Variants in NIBAN2 observed in about 807,000 individuals in gnomAD.
NIBAN2 encodes the protein niban apoptosis regulator 2, also known as protein Niban 2.
A neutral mutation model predicts 81.8 loss-of-function variants in NIBAN2; 36 were observed. The observed-to-expected ratio is 0.44, with a 90% CI of 0.34 to 0.58. The LOEUF (loss-of-function observed/expected upper bound fraction) is 0.58, where lower values mean the gene tolerates loss of function less well. Ranked by LOEUF, NIBAN2 falls within the 20% of genes least tolerant of loss-of-function variation. NIBAN2 has a pLI of 0.02. For missense variants in NIBAN2, 897 were observed against 1,014.1 expected (o/e 0.88, Z 1.57); for synonymous variants, 445 against 441.6 (o/e 1.01, Z -0.10).
Position 127,527,309 on chromosome 9 carries a change from T to G in NIBAN2, c.200A>C (p.Glu67Ala), listed in dbSNP as rs182478049. Residue 67 changes from glutamate (E) to alanine (A), a missense_variant, in exon 3 of 14, where the codon GAG becomes GCG. Around this residue, in one of 3 missense-constraint regions of NIBAN2, gnomAD observed 209 missense variants for 208.4 expected, o/e 1.00. Coordinates refer to ENST00000373312, the MANE Select transcript of NIBAN2 (RefSeq NM_022833.4). Reference protein sequence around the residue: ...QLLWRKVPLDERIVFSGNLFQ... With the variant: ...QLLWRKVPLDARIVFSGNLFQ... ...GAGGTTCCCCGAGAAGACGATGCGC[T>G]CGTCCAGTGGCACCTGTGGGCAGGA... The G allele has an allele frequency of 1.6e-5, 26 of 1,612,490 alleles. No individual in the cohort carries two copies. In the East Asian group the frequency reaches 5.8e-4, roughly 36 times the overall value.
At chr9:127,573,682 C>A (rs529838908), upstream of NIBAN2, among the ~76,000 whole-genome samples, 4 of 152,198 alleles carry the variant, frequency 2.6e-5, no homozygotes, top group Non-Finnish European at 5.9e-5. Flanking sequence ...GAGACAGGGT[C>A]TCGTTCTGTT....
chr9:127,516,282 C>T (rs1047668653), intron 8 of NIBAN2, among the ~76,000 whole-genome samples: 12 of 152,240 alleles, frequency 7.9e-5, no homozygotes, highest in Admixed American at 6.5e-4. Flanking sequence ...CACAGTGGCT[C>T]ATGCCTGTAA....
At chr9:127,554,561 T>C (rs1837633655) in intron 1 of NIBAN2, among the ~76,000 whole-genome samples, 1 of 145,010 alleles carries the variant, frequency 6.9e-6, no homozygotes, top group Non-Finnish European at 1.5e-5. Context: ...TTTTTTTTTT[T>C]TTTTTTTTTT....
intron 5 of NIBAN2, among the ~76,000 whole-genome samples, chr9:127,520,439 T>G (rs1197904821): frequency 6.6e-6 from 1 of 151,968 alleles, no homozygotes. Context: ...GTTTTCACCA[T>G]GTTGGCCAGG....
rs199532440 is a variant in NIBAN2 at position 127,507,852 on chromosome 9, C to A, written c.1654+15G>T. The A allele has an allele frequency of 6.2e-7, 1 of 1,612,124 alleles. No individual in the cohort carries two copies. The highest frequency in any genetic ancestry group is 8.5e-7 in the Non-Finnish European group (1 of 1,178,310). ...ATCCTCCTGGCAACAGTCCCCACCCCGGGACGGCACCCACCCTGCAGGATG... is the reference window on the plus strand; with the variant it reads ...ATCCTCCTGGCAACAGTCCCCACCCAGGGACGGCACCCACCCTGCAGGATG... On this transcript the variant is annotated intron_variant, in intron 13 of 13. Transcript: ENST00000373312. The surrounding 1 kb of genome is among the most constrained non-coding windows in gnomAD (Gnocchi z 6.8).
rs139005563 is a variant in NIBAN2, at chr9:127,507,888, C to T, written c.1633G>A (p.Val545Ile). ...CCACCCTGCAGGATGTCCTTCATGA[C>T]GGTCTGCAGCACCACCTCCTCGTAC... ...NTYEEVVLQT[V>I]MKDILQAVKE... Residue 545 changes from valine (V) to isoleucine (I), a missense_variant, in exon 13 of 14, where the codon GTC (valine) becomes ATC (isoleucine). Around this residue, in one of 3 missense-constraint regions of NIBAN2, gnomAD observed 619 missense variants for 691.0 expected, o/e 0.90. Transcript: ENST00000373312. This position sits in a 1 kb window ranked among gnomAD's most constrained non-coding sequence, Gnocchi z 6.8. 23 of 1,614,156 alleles carry T rather than the reference C, an allele frequency of 1.4e-5. No individual in the cohort carries two copies. The highest frequency in any genetic ancestry group is 6.7e-5 in the African/African-American group (5 of 75,068).
At chr9:127,516,399 G>C (rs1360834624) in intron 8 of NIBAN2, among the ~76,000 whole-genome samples, 1 of 152,084 alleles carries the variant, frequency 6.6e-6, no homozygotes, top group East Asian at 1.9e-4. Context: ...ACAAAAGTTA[G>C]CCGGGCATGG....
chr9:127,567,836 T>C (rs986438491), intron 1 of NIBAN2, among the ~76,000 whole-genome samples: 4 of 152,050 alleles, frequency 2.6e-5, no homozygotes, highest in Non-Finnish European at 5.9e-5. Flanking sequence ...CAACAACTCA[T>C]TAATAAGGAA....
At position 127,565,946 on chromosome 9, in the gene NIBAN2, T is replaced by TCACACACACACACA. The variant is rs10682812; in HGVS notation, c.55+2860_55+2873dup. Among the ~76,000 whole-genome samples, 133 of 130,608 alleles carry TCACACACACACACA rather than the reference T, an allele frequency of 1.0e-3. 1 individual carries two copies. Among genetic ancestry groups the TCACACACACACACA allele is most frequent in the Admixed American group, 3.4e-3 (44 of 12,814 alleles). The allele number at this position is 130,608 out of a possible 152,430, so 85.7% of individuals were successfully genotyped here. Reference sequence around the variant, plus strand: ...GAGACCCTGTCTCTCTCTCTCTCTCTCACACACACACACACACACACACAC... The same window carrying TCACACACACACACA: ...GAGACCCTGTCTCTCTCTCTCTCTCTCACACACACACACACACACACACACACACACACACACAC... On this transcript the variant is annotated intron_variant, in intron 1 of 13. Coordinates refer to ENST00000373312, the MANE Select transcript of NIBAN2 (RefSeq NM_022833.4).
At chr9:127,571,371 C>T (rs1837943969), upstream of NIBAN2, among the ~76,000 whole-genome samples, 1 of 152,128 alleles carries the variant, frequency 6.6e-6, no homozygotes, top group Non-Finnish European at 1.5e-5. Flanking sequence ...TCTGAGCATC[C>T]ATGGCCTCAT....
At chr9:127,544,386 T>A (rs1837433947) in intron 1 of NIBAN2, among the ~76,000 whole-genome samples, 1 of 152,192 alleles carries the variant, frequency 6.6e-6, no homozygotes, top group Non-Finnish European at 1.5e-5. Context: ...ACAAGGTTGC[T>A]AGGGCAGGGA....
At chr9:127,560,530 C>CA (rs765452886) in intron 1 of NIBAN2, among the ~76,000 whole-genome samples, 2 of 152,132 alleles carry the variant, frequency 1.3e-5, no homozygotes, top group Non-Finnish European at 2.9e-5. Context: ...CTACCTCCCC[C>CA]ATCCTGAGTC....
chr9:127,545,779 C>T lies in NIBAN2; in HGVS notation c.56-14001G>A, dbSNP rs577887391. On this transcript the variant is annotated intron_variant, in intron 1 of 13. Coordinates refer to ENST00000373312, the MANE Select transcript of NIBAN2 (RefSeq NM_022833.4). The surrounding 1 kb of genome is among the most constrained non-coding windows in gnomAD (Gnocchi z 4.7). Reference sequence around the variant, plus strand: ...ACCCAAAACCCGCCCACTGGGGCTGCCCTTTCCTTTACACCTCGAGGCCGC... The same window carrying T: ...ACCCAAAACCCGCCCACTGGGGCTGTCCTTTCCTTTACACCTCGAGGCCGC... 1.3e-5 allele frequency among the ~76,000 whole-genome samples: 2 copies of T among 152,314 alleles called. No individual in the cohort carries two copies. The highest frequency in any genetic ancestry group is 2.9e-5 in the Non-Finnish European group (2 of 68,028).
intron 8 of NIBAN2, 30 bp from the exon 9 acceptor site, chr9:127,510,363 G>T: frequency 1.9e-6 from 3 of 1,555,936 alleles, no homozygotes; most frequent in Non-Finnish European, 2.6e-6. Context: ...GGTCAGCAGG[G>T]GCTCCCCAAG....
Position 127,514,616 on chromosome 9 carries a change from C to A in NIBAN2, c.973+2241G>T, listed in dbSNP as rs201951583. ...AAATACCTTAGTAGATTCAATGAGC[C>A]TCTTGGTTTTACAAAAACTGGGCTG... On this transcript the variant is annotated intron_variant, in intron 8 of 13. Transcript: ENST00000373312. Among the ~76,000 whole-genome samples the A allele has an allele frequency of 1.6e-3, 248 of 152,298 alleles. 2 individuals are homozygous for A. Among genetic ancestry groups the A allele is most frequent in the Non-Finnish European group, 2.9e-3 (197 of 68,038 alleles).
At position 127,531,782 on chromosome 9, in the gene NIBAN2, G is replaced by A; in HGVS notation, c.56-4C>T. On this transcript the variant is annotated splice_polypyrimidine_tract_variant and splice_region_variant and intron_variant, in intron 1 of 13. Transcript: ENST00000373312. ...GTCAGGATCTTCCCGGTTTTTTCTG[G>A]AAGAGAAGGACAAGCAGGAGCTTGA... 1.2e-6 allele frequency: 2 copies of A among 1,614,158 alleles called. No homozygotes were observed. The highest frequency in any genetic ancestry group is 1.3e-5 in the African/African-American group (1 of 75,072).
chr9:127,550,893 C>T (rs957857701), intron 1 of NIBAN2, among the ~76,000 whole-genome samples: 2 of 152,118 alleles, frequency 1.3e-5, no homozygotes, highest in African/African-American at 4.8e-5. Flanking sequence ...TCAAGTGATC[C>T]AGCACCTGCA....
chr9:127,533,431 T>G (rs1481125015), intron 1 of NIBAN2, among the ~76,000 whole-genome samples: 1 of 152,164 alleles, frequency 6.6e-6, no homozygotes, highest in Non-Finnish European at 1.5e-5. Flanking sequence ...CACTCCAGCC[T>G]GGGCGACAGA....
intron 1 of NIBAN2, among the ~76,000 whole-genome samples, chr9:127,550,156 C>CT (rs1485513883): frequency 6.6e-6 from 1 of 152,158 alleles, no homozygotes; most frequent in Non-Finnish European, 1.5e-5. Flanking sequence ...CTGAGTGACC[C>CT]TGGACAAGCC....
Sources: gnomAD v4.1 joint callset for allele counts (sites outside exome capture counted in the v4.1 genomes callset) on GRCh38, gnomAD v4.1.1 for gene constraint, gnomAD v4.1.1 regional missense constraint, Gnocchi (gnomAD v3.1) non-coding constraint, MANE v1.5 for transcripts, NCBI Gene and HGNC (gene_info 2026-07-23, HGNC 2026-07-21) for gene names.